The following CPEB1 variants were observed in gnomAD, a reference collection of about 807,000 sequenced individuals.
CPEB1 encodes cytoplasmic polyadenylation element binding protein 1, also known as cytoplasmic polyadenylation element-binding protein 1.
In CPEB1, 7 loss-of-function variants were observed where a neutral mutation model predicts 65.8. The ratio of observed to expected loss-of-function variants is 0.11; its 90% confidence interval spans 0.06 to 0.20. The LOEUF is 0.20. Among genes scored for constraint, CPEB1 ranks in the 10% least tolerant of loss-of-function variants. CPEB1 has a pLI of 1.00. For synonymous variants in CPEB1, 262 were observed against 260.0 expected (o/e 1.01, Z -0.08); for missense variants, 551 against 712.2 (o/e 0.77, Z 2.58).
intron 3 of CPEB1, among the ~76,000 whole-genome samples, chr15:82,604,660 G>A (rs1273699830): frequency 6.6e-6 from 1 of 152,022 alleles, no homozygotes; most frequent in Non-Finnish European, 1.5e-5. Context: ...ATTCACTACA[G>A]GGGCTCAACA....
At chr15:82,585,463 A>T (rs1387356334) in intron 3 of CPEB1, among the ~76,000 whole-genome samples, 3 of 152,302 alleles carry the variant, frequency 2.0e-5, no homozygotes, top group Middle Eastern at 3.4e-3. Flanking sequence ...AGGGAGAAAA[A>T]GAGCAGAAAA....
At chr15:82,565,053 A>G (rs1194435161) in intron 4 of CPEB1, among the ~76,000 whole-genome samples, 1 of 152,208 alleles carries the variant, frequency 6.6e-6, no homozygotes, top group African/African-American at 2.4e-5. Context: ...TTTCCTGCAA[A>G]TATTAAATCA....
intron 4 of CPEB1, chr15:82,562,254 G>T: frequency 2.2e-6 from 1 of 453,262 alleles, no homozygotes. Flanking sequence ...ATCAACTACA[G>T]ACTACTGATC....
intron 11 of CPEB1, 91 bp from the exon 12 acceptor site, chr15:82,546,612 C>T: frequency 6.5e-6 from 6 of 919,600 alleles, no homozygotes. Context: ...TGGCCACACA[C>T]AGGAATGCGG....
At chr15:82,637,374 T>C (rs1377539205) in intron 1 of CPEB1, among the ~76,000 whole-genome samples, 2 of 152,300 alleles carry the variant, frequency 1.3e-5, no homozygotes, top group Non-Finnish European at 2.9e-5. Context: ...GAGTCCATTT[T>C]TTCTCATACC....
chr15:82,546,365 G>A lies in CPEB1; in HGVS notation c.1656+76C>T, dbSNP rs971047733. The A allele has an allele frequency of 4.2e-6, 5 of 1,198,248 alleles. No individual in the cohort carries two copies. The African/African-American group carries it at 7.5e-5, about 18-fold the overall frequency. The allele number at this position is 1,198,248 out of a possible 1,614,324, so 74.2% of individuals were successfully genotyped here. ...CCACCTTGGCATCCCAAAGTGCTGG[G>A]ATTACAGGTGTGAACCACCGCGCCC... On this transcript the variant is annotated intron_variant, in intron 12 of 12. Coordinates refer to ENST00000684509, the MANE Select transcript of CPEB1 (RefSeq NM_001365242.1).
intron 1 of CPEB1, chr15:82,633,114 C>G (rs577845093): frequency 1.2e-4 from 19 of 152,004 alleles, no homozygotes; most frequent in Admixed American, 1.2e-3. Flanking sequence ...AGTTGGTCTT[C>G]TACTGTCAAC....
At chr15:82,643,277 C>T (rs1434920057) in intron 1 of CPEB1, among the ~76,000 whole-genome samples, 1 of 152,174 alleles carries the variant, frequency 6.6e-6, no homozygotes, top group Non-Finnish European at 1.5e-5. Flanking sequence ...TCTGAGTTTA[C>T]ATTCTCACAG....
At chr15:82,621,968 AT>A (rs1261267380) in intron 3 of CPEB1, among the ~76,000 whole-genome samples, 3 of 152,202 alleles carry the variant, frequency 2.0e-5, no homozygotes, top group Non-Finnish European at 4.4e-5. Flanking sequence ...CATCCTAAAT[AT>A]TAAGTCTCCC....
chr15:82,614,577 G>A (rs2044507075), intron 3 of CPEB1, among the ~76,000 whole-genome samples: 1 of 152,174 alleles, frequency 6.6e-6, no homozygotes, highest in African/African-American at 2.4e-5. Context: ...CCAAATGTGG[G>A]GGGGAGTACA....
At chr15:82,559,123 C>G (rs529017378) in intron 4 of CPEB1, among the ~76,000 whole-genome samples, 1 of 152,254 alleles carries the variant, frequency 6.6e-6, no homozygotes, top group African/African-American at 2.4e-5. Context: ...CCTCCCAGGC[C>G]TCTAAGTCAG....
chr15:82,606,442 C>T (rs2043603496), intron 3 of CPEB1, among the ~76,000 whole-genome samples: 1 of 150,500 alleles, frequency 6.6e-6, no homozygotes, highest in African/African-American at 2.5e-5. Context: ...TGCACTCCAA[C>T]CTGGGTGACA....
chr15:82,636,135 C>T (rs2046640656), intron 1 of CPEB1, among the ~76,000 whole-genome samples: 1 of 152,224 alleles, frequency 6.6e-6, no homozygotes, highest in Non-Finnish European at 1.5e-5. Flanking sequence ...ACCACACCTT[C>T]CTTGATTTAA....
chr15:82,557,330 G>A (rs2037389124), intron 5 of CPEB1, among the ~76,000 whole-genome samples: 1 of 152,154 alleles, frequency 6.6e-6, no homozygotes, highest in Non-Finnish European at 1.5e-5. Flanking sequence ...TCCTATCTCT[G>A]CTAATTACTA....
chr15:82,567,469 T>C (rs2039327091), intron 4 of CPEB1, among the ~76,000 whole-genome samples: 1 of 151,646 alleles, frequency 6.6e-6, no homozygotes, highest in African/African-American at 2.4e-5. Context: ...AAACCCCGTC[T>C]CTACTTTAAA....
At chr15:82,585,643 C>T (rs536017046) in intron 3 of CPEB1, among the ~76,000 whole-genome samples, 2 of 152,086 alleles carry the variant, frequency 1.3e-5, no homozygotes, top group East Asian at 1.9e-4. Flanking sequence ...ATTCAAAACC[C>T]GAGCCCTTCC....
At chr15:82,577,130 T>C (rs1338217598) in intron 3 of CPEB1, among the ~76,000 whole-genome samples, 3 of 152,140 alleles carry the variant, frequency 2.0e-5, no homozygotes, top group Admixed American at 6.5e-5. Context: ...TTAAAGCAAA[T>C]GGTAAGATTA....
At chr15:82,570,121 A>G (rs994425779) in intron 4 of CPEB1, among the ~76,000 whole-genome samples, 2 of 152,122 alleles carry the variant, frequency 1.3e-5, no homozygotes, top group Non-Finnish European at 2.9e-5. Flanking sequence ...CATCCACATA[A>G]AACAATTTCA....
At chr15:82,591,773 T>C (rs943401793) in intron 3 of CPEB1, among the ~76,000 whole-genome samples, 4 of 152,118 alleles carry the variant, frequency 2.6e-5, no homozygotes, top group African/African-American at 9.7e-5. Context: ...AATTAGATCA[T>C]ACAATATTTA....
Sources: allele counts gnomAD v4.1 joint callset (sites outside exome capture counted in the v4.1 genomes callset), GRCh38; gene constraint gnomAD v4.1.1; transcripts MANE v1.5; gene names NCBI Gene and HGNC (gene_info 2026-07-23, HGNC 2026-07-21).